CTNNA3: variants seen among roughly 807,000 people sequenced by gnomAD.
The protein encoded by CTNNA3 is catenin alpha 3, also known as catenin alpha-3.
In CTNNA3, 76 loss-of-function variants were observed where a neutral mutation model predicts 95.7. That is an observed-to-expected ratio of 0.79 (90% CI 0.66 to 0.96). The LOEUF is 0.96. Among genes scored for constraint, CTNNA3 ranks in the 40% least tolerant of loss-of-function variants. CTNNA3 has a pLI of 0.00. For missense variants in CTNNA3, 1,191 were observed against 1,089.8 expected (o/e 1.09, Z -1.31); for synonymous variants, 431 against 374.4 (o/e 1.15, Z -1.74).
chr10:66,071,726 T>G (rs950330369), intron 14 of CTNNA3, among the ~76,000 whole-genome samples: 1 of 152,150 alleles, frequency 6.6e-6, no homozygotes, highest in African/African-American at 2.4e-5. Flanking sequence ...TACCATGATC[T>G]TTACCTGACA....
rs58624241 is a variant in CTNNA3 at position 66,829,612 on chromosome 10, C to CAA, written c.1048-54090_1048-54089dup. Among the ~76,000 whole-genome samples, 638 of 136,710 alleles carry CAA rather than the reference C, an allele frequency of 4.7e-3. 5 individuals are homozygous for CAA. The highest frequency in any genetic ancestry group is 0.013 in the African/African-American group (471 of 36,966). The allele number at this position is 136,710 out of a possible 152,430, so 89.7% of individuals were successfully genotyped here. ...TGGGTGATGGAGTGAGACTCTGTCT[C>CAA]AAAAAAAAAAAAGACATTATATTAT... On this transcript the variant is annotated intron_variant, in intron 7 of 17. Coordinates refer to ENST00000433211, the MANE Select transcript of CTNNA3 (RefSeq NM_013266.4).
chr10:67,625,978 A>G (rs1196366591), intron 2 of CTNNA3, among the ~76,000 whole-genome samples: 3 of 152,162 alleles, frequency 2.0e-5, no homozygotes, highest in African/African-American at 7.2e-5. Flanking sequence ...GGAGCCCAGG[A>G]GTTTGAGACT....
chr10:66,003,447 C>T (rs1380055753), intron 15 of CTNNA3, among the ~76,000 whole-genome samples: 5 of 151,952 alleles, frequency 3.3e-5, no homozygotes, highest in Admixed American at 2.0e-4. Flanking sequence ...CCTCAAATAC[C>T]TCAATTTACC....
intron 5 of CTNNA3, among the ~76,000 whole-genome samples, chr10:67,440,900 T>C (rs1024241595): frequency 6.6e-6 from 1 of 150,820 alleles, no homozygotes; most frequent in African/African-American, 2.4e-5. Context: ...CACTGACAAA[T>C]ACCCACAAGC....
intron 12 of CTNNA3, among the ~76,000 whole-genome samples, chr10:66,377,410 T>G (rs2092803848): frequency 6.6e-6 from 1 of 152,118 alleles, no homozygotes; most frequent in Non-Finnish European, 1.5e-5. Context: ...AGAAAGGTTA[T>G]TATAAATCAA....
At chr10:67,074,389 C>T (rs1347883657) in intron 7 of CTNNA3, among the ~76,000 whole-genome samples, 1 of 124,064 alleles carries the variant, frequency 8.1e-6, no homozygotes, top group Non-Finnish European at 1.6e-5. Flanking sequence ...CTCGCTCTGT[C>T]GCCCAGGCTG....
At chr10:67,754,275 G>A (rs997509388) in intron 1 of CTNNA3, among the ~76,000 whole-genome samples, 2 of 152,088 alleles carry the variant, frequency 1.3e-5, no homozygotes, top group Non-Finnish European at 2.9e-5. Context: ...ATGGACACAG[G>A]GAGGGAAACA....
intron 1 of CTNNA3, among the ~76,000 whole-genome samples, chr10:67,684,752 C>T (rs1324449843): frequency 1.3e-5 from 2 of 152,112 alleles, no homozygotes; most frequent in Non-Finnish European, 2.9e-5. Flanking sequence ...AACTTGATGG[C>T]CTTGATTCTA....
At chr10:67,597,278 T>C (rs1476953641) in intron 3 of CTNNA3, among the ~76,000 whole-genome samples, 3 of 152,214 alleles carry the variant, frequency 2.0e-5, no homozygotes, top group African/African-American at 7.2e-5. Context: ...CCATTTCAGT[T>C]GGGTTAAAAA....
chr10:67,409,834 A>C (rs1380500405), intron 5 of CTNNA3, among the ~76,000 whole-genome samples: 1 of 152,192 alleles, frequency 6.6e-6, no homozygotes, highest in African/African-American at 2.4e-5. Context: ...CAGAATGGCT[A>C]CTGTTAAAAA....
At chr10:67,127,925 A>G (rs557391172) in intron 7 of CTNNA3, among the ~76,000 whole-genome samples, 94 of 152,012 alleles carry the variant, frequency 6.2e-4, no homozygotes, top group Non-Finnish European at 1.1e-3. Flanking sequence ...CATGTGTATC[A>G]AAAAGAGCTT....
chr10:66,932,522 G>A (rs780539437), intron 7 of CTNNA3, among the ~76,000 whole-genome samples: 2 of 152,012 alleles, frequency 1.3e-5, no homozygotes, highest in East Asian at 1.9e-4. Flanking sequence ...GCTAACCCAC[G>A]GAGTTTTGCT....
intron 7 of CTNNA3, among the ~76,000 whole-genome samples, chr10:67,038,438 A>T (rs1854197581): frequency 6.6e-6 from 1 of 152,118 alleles, no homozygotes; most frequent in South Asian, 2.1e-4. Context: ...AGATGAAAAT[A>T]TATGTCCATT....
At position 66,553,074 on chromosome 10, in the gene CTNNA3, T is replaced by A. The variant is rs574365488; in HGVS notation, c.1375-32301A>T. Among the ~76,000 whole-genome samples, 79 of 152,182 alleles carry A rather than the reference T, an allele frequency of 5.2e-4. 1 individual carries two copies. The highest frequency in any genetic ancestry group is 1.9e-3 in the African/African-American group (79 of 41,516). ...TCATTTATTTTGCTGCCTTAAATTC[T>A]ATTTTCTCTATACTAGCAGTATACT... On this transcript the variant is annotated intron_variant, in intron 10 of 17. Transcript: ENST00000433211.
At chr10:67,177,978 C>T (rs576117351) in intron 7 of CTNNA3, among the ~76,000 whole-genome samples, 26 of 152,286 alleles carry the variant, frequency 1.7e-4, no homozygotes, top group African/African-American at 5.8e-4. Context: ...GGGTCCCAGG[C>T]TTGGGTTTTC....
At chr10:66,722,114 C>T (rs1043769722) in intron 9 of CTNNA3, among the ~76,000 whole-genome samples, 1 of 152,162 alleles carries the variant, frequency 6.6e-6, no homozygotes, top group Non-Finnish European at 1.5e-5. Flanking sequence ...TGCGGTGGCT[C>T]ATGCCTGTAA....
intron 7 of CTNNA3, among the ~76,000 whole-genome samples, chr10:66,951,784 A>G (rs1280748259): frequency 6.6e-6 from 1 of 152,140 alleles, no homozygotes; most frequent in South Asian, 2.1e-4. Flanking sequence ...TACACTGGGA[A>G]GGGATCTAGA....
chr10:67,173,315 G>C (rs990188248), intron 7 of CTNNA3, among the ~76,000 whole-genome samples: 1 of 152,094 alleles, frequency 6.6e-6, no homozygotes, highest in African/African-American at 2.4e-5. Flanking sequence ...CAAAGTTACA[G>C]AGCTCCTGGG....
intron 5 of CTNNA3, among the ~76,000 whole-genome samples, chr10:67,514,253 T>C (rs1298435835): frequency 6.6e-6 from 1 of 152,160 alleles, no homozygotes; most frequent in Admixed American, 6.5e-5. Flanking sequence ...TGAGCTGAGA[T>C]TGTGCCACTG....
Sources: gnomAD v4.1 joint callset for allele counts (sites outside exome capture counted in the v4.1 genomes callset) on GRCh38, gnomAD v4.1.1 for gene constraint, MANE v1.5 for transcripts, NCBI Gene and HGNC (gene_info 2026-07-23, HGNC 2026-07-21) for gene names.